IDH3G: variants seen among roughly 807,000 people sequenced by gnomAD.
IDH3G encodes the protein isocitrate dehydrogenase [NAD] subunit gamma, mitochondrial.
A neutral mutation model predicts 26.9 loss-of-function variants in IDH3G; 9 were observed. The ratio of observed to expected loss-of-function variants is 0.34; its 90% confidence interval spans 0.20 to 0.58. The LOEUF is 0.58. Among genes scored for constraint, IDH3G ranks in the 20% least tolerant of loss-of-function variants. IDH3G has a pLI of 0.85. For synonymous variants in IDH3G, 181 were observed against 160.0 expected (o/e 1.13, Z -0.99); for missense variants, 250 against 372.8 (o/e 0.67, Z 2.71).
At chrX:153,789,161 C>T (rs1345824234) in intron 5 of IDH3G, 6 of 341,407 alleles carry the variant, frequency 1.8e-5, no homozygotes, top group African/African-American at 7.9e-5. Flanking sequence ...GGCGTCCACC[C>T]AGTCTCCAAG....
At position 153,790,749 on chromosome X, in the gene IDH3G, C is replaced by T. The variant is rs980890409; in HGVS notation, c.123+61G>A. The T allele has an allele frequency of 5.3e-6, 6 of 1,129,868 alleles. No individual in the cohort carries two copies. In the African/African-American group the frequency reaches 8.9e-5, roughly 17 times the overall value. The allele number at this position is 1,129,868 out of a possible 1,213,427, so 93.1% of individuals were successfully genotyped here. A position where few individuals can be genotyped will look rare whatever the true frequency, so the allele number is the denominator to read the frequency against. On this transcript the variant is annotated intron_variant, in intron 2 of 12. Transcript: ENST00000217901. ...GAGGACAGGACACAGGCCGTGCACA[C>T]ACGCGCACAATTGCGGCCACATGGA...
rs2092092414 is a variant in IDH3G, at chrX:153,787,235, G to A, written c.675-82C>T. Reference sequence around the variant, plus strand: ...GGACGGGGCGTGCAGAGGGCCCCAGGAGGCTGGGGTCTGAATTCTAACCTG... The same window carrying A: ...GGACGGGGCGTGCAGAGGGCCCCAGAAGGCTGGGGTCTGAATTCTAACCTG... On this transcript the variant is annotated intron_variant, in intron 8 of 12. Coordinates refer to ENST00000217901, the MANE Select transcript of IDH3G (RefSeq NM_004135.4). 8.6e-6 allele frequency: 7 copies of A among 818,710 alleles called. No individual in the cohort carries two copies. The East Asian group carries it at 2.3e-4, about 27-fold the overall frequency. 67.5% of individuals were successfully genotyped at this position (818,710 alleles called of 1,213,427 possible).
chrX:153,787,562 G>A lies in IDH3G; in HGVS notation c.576C>T (p.Ile192=). The A allele has an allele frequency of 8.3e-7, 1 of 1,210,904 alleles. No homozygotes were observed. Among genetic ancestry groups the A allele is most frequent in the African/African-American group, 1.7e-5 (1 of 57,986 alleles). The change falls in exon 8 of 13, where the codon ATC becomes ATT. Residue 192 remains isoleucine, a synonymous_variant. Transcript: ENST00000217901. The part of the protein sequence containing the change: ...VAGVVESLKI[I]TKAKSLRIAE... ...CAATGCGCAGGGACTTGGCCTTGGT[G>A]ATGATCTTCAGGCTCTCCACCACTC...
At position 153,786,250 on chromosome X, in the gene IDH3G, T is replaced by C; in HGVS notation, c.1042A>G (p.Ile348Val). 8.3e-7 allele frequency: 1 copy of C among 1,206,816 alleles called. No homozygotes were observed. The highest frequency in any genetic ancestry group is 1.1e-6 in the Non-Finnish European group (1 of 892,270). ...HLKLHSYATSIRKAVLASMDN... is the reference protein window; with the variant it reads ...HLKLHSYATSVRKAVLASMDN... The stretch of plus-strand genomic sequence containing the variant: ...ATGGATGCCAGGACAGCCTTACGGA[T>C]GGAGGTGGCATAGGAGTGCAGCCTA... Residue 348 changes from isoleucine (I) to valine (V), a missense_variant, in exon 12 of 13, where the codon ATC (isoleucine) becomes GTC (valine). Around this residue, in one of 2 missense-constraint regions of IDH3G, gnomAD observed 201 missense variants for 331.3 expected, o/e 0.61. Transcript: ENST00000217901.
At chrX:153,786,175 G>A in intron 12 of IDH3G, 37 bp downstream of exon 12, 3 of 1,207,322 alleles carry the variant, frequency 2.5e-6, no homozygotes, top group South Asian at 3.5e-5. Context: ...GGGGAGACTG[G>A]GCGGGGCAGC....
intron 12 of IDH3G, 63 bp from the exon 13 acceptor site, chrX:153,786,036 C>T (rs200958121): frequency 7.9e-5 from 95 of 1,207,538 alleles, no homozygotes; most frequent in South Asian, 4.4e-4. Context: ...TCTCCTGTGA[C>T]GTGCAGGACT....
chrX:153,790,144 T>C, intron 4 of IDH3G, 51 bp downstream of exon 4: 1 of 1,043,565 alleles, frequency 9.6e-7, no homozygotes, highest in Non-Finnish European at 1.3e-6. Context: ...TGGCACAAAG[T>C]CCTCAGGGCC....
chrX:153,786,822 A>G lies in IDH3G; in HGVS notation c.903T>C (p.His301=), dbSNP rs375839969. 3.6e-5 allele frequency: 44 copies of G among 1,208,502 alleles called. No individual in the cohort carries two copies. The highest frequency in any genetic ancestry group is 4.4e-5 in the Non-Finnish European group (39 of 893,532). The change falls in exon 10 of 13, where the codon CAT becomes CAC. Residue 301 remains histidine, a synonymous_variant. Coordinates refer to ENST00000217901, the MANE Select transcript of IDH3G (RefSeq NM_004135.4). ...PGLVAGANYG[H]VYAVFETATR... ...TCACTGTTTCAAACACCGCGTACAC[A>G]TGGCCATAGTTGGCCCCAGCCACAA... is the stretch of plus-strand genomic sequence containing the variant.
rs1324563467 is a variant in IDH3G at position 153,793,902 on chromosome X, T to A, written c.81+344A>T. Reference sequence around the variant, plus strand: ...AGAAATTTGAGTCCCGGAACCGGATTCCCGAAGCGGTTTGAGAAAGGCGGG... The same window carrying A: ...AGAAATTTGAGTCCCGGAACCGGATACCCGAAGCGGTTTGAGAAAGGCGGG... On this transcript the variant is annotated intron_variant, in intron 1 of 12. Coordinates refer to ENST00000217901, the MANE Select transcript of IDH3G (RefSeq NM_004135.4). 9 of 157,627 alleles carry A rather than the reference T, an allele frequency of 5.7e-5. No individual in the cohort carries two copies. The Admixed American group carries it at 7.3e-4, about 13-fold the overall frequency. The allele number at this position is 157,627 out of a possible 1,213,427, so 13.0% of individuals were successfully genotyped here. A position where few individuals can be genotyped will look rare whatever the true frequency, so the allele number is the denominator to read the frequency against.
At chrX:153,792,645 G>C (rs1176145083) in intron 1 of IDH3G, among the ~76,000 whole-genome samples, 1 of 112,555 alleles carries the variant, frequency 8.9e-6, no homozygotes, top group Non-Finnish European at 1.9e-5. Flanking sequence ...CTCACAGATG[G>C]CAACATCACC....
chrX:153,786,952 G>A lies in IDH3G; in HGVS notation c.778-5C>T, dbSNP rs185021909. ...CTGCTGGGGCCGGGACACCAGCTGC[G>A]GGACAAGGAGGGGGCTGGCTGAGGA... On this transcript the variant is annotated splice_polypyrimidine_tract_variant and splice_region_variant and intron_variant, in intron 9 of 12. Coordinates refer to ENST00000217901, the MANE Select transcript of IDH3G (RefSeq NM_004135.4). 7.3e-4 allele frequency: 877 copies of A among 1,206,374 alleles called. 1 individual carries two copies. Among genetic ancestry groups the A allele is most frequent in the Middle Eastern group, 3.5e-3 (15 of 4,333 alleles).
At chrX:153,794,180 G>C in intron 1 of IDH3G, 66 bp downstream of exon 1, 1 of 1,102,005 alleles carries the variant, frequency 9.1e-7, no homozygotes. Flanking sequence ...AGACTGCTTC[G>C]GGTGCGGCTA....
chrX:153,786,375 G>A lies in IDH3G; in HGVS notation c.999C>T (p.Cys333=), dbSNP rs140397054. ...CTCACTTGAGGTGGTCCAGCATCAT[G>A]CAGCTGGCCAGCAGGGTGGCCGTGG... ...ANPTATLLAS[C]MMLDHLKLHS... The change falls in exon 11 of 13, where the codon TGC becomes TGT. Residue 333 remains cysteine (C), a synonymous_variant. Coordinates refer to ENST00000217901, the MANE Select transcript of IDH3G (RefSeq NM_004135.4). 23 of 1,207,660 alleles carry A rather than the reference G, an allele frequency of 1.9e-5. No individual in the cohort carries two copies. The African/African-American group carries it at 3.8e-4, about 20-fold the overall frequency.
intron 4 of IDH3G, 110 bp downstream of exon 4, chrX:153,790,085 G>A (rs2092103701): frequency 3.2e-6 from 2 of 631,293 alleles, no homozygotes; most frequent in Admixed American, 2.6e-5. Flanking sequence ...GGGCTTACAG[G>A]TCGTCTTGCC....
chrX:153,792,179 CCT>C (rs782473865), intron 1 of IDH3G: 8 of 111,591 alleles, frequency 7.2e-5, no homozygotes, highest in African/African-American at 1.3e-4. Flanking sequence ...CTCCTCAACC[CCT>C]GAGCCCGAGA....
At chrX:153,793,241 C>T (rs1467498939) in intron 1 of IDH3G, among the ~76,000 whole-genome samples, 9 of 111,795 alleles carry the variant, frequency 8.1e-5, no homozygotes, top group Non-Finnish European at 1.7e-4. Context: ...CTGGAGCCAT[C>T]AGAGCCTCTG....
chrX:153,790,693 G>A, intron 2 of IDH3G, 117 bp downstream of exon 2: 1 of 1,063,350 alleles, frequency 9.4e-7, no homozygotes, highest in Non-Finnish European at 1.3e-6. Flanking sequence ...TCCCAGAAGA[G>A]GGGTGGGTAG....
At position 153,785,770 on chromosome X, in the gene IDH3G, G is replaced by T; in HGVS notation, c.*102C>A. ...GTGAGGGAGGCCCACGCCAAGTCTA[G>T]GGAGAAGGTGCTTTATTCTGGGATC... is the stretch of plus-strand genomic sequence containing the variant. On this transcript the variant is annotated 3_prime_UTR_variant, in exon 13 of 13. Transcript: ENST00000217901. 4 of 995,593 alleles carry T rather than the reference G, an allele frequency of 4.0e-6. No homozygotes were observed. In the Admixed American group the frequency reaches 9.3e-5, roughly 23 times the overall value. 82.0% of individuals were successfully genotyped at this position (995,593 alleles called of 1,213,427 possible).
chrX:153,794,364 G>A lies in IDH3G; in HGVS notation c.-38C>T, dbSNP rs2092124549. On this transcript the variant is annotated 5_prime_UTR_variant, in exon 1 of 13. Transcript: ENST00000217901. ...GAGCCTCCGCACGTCCCGACACGCA[G>A]ATACCGCTCTCGCGAGAGTTCGACG... 8.5e-7 allele frequency: 1 copy of A among 1,175,077 alleles called. No homozygotes were observed. The highest frequency in any genetic ancestry group is 1.1e-6 in the Non-Finnish European group (1 of 875,894).
Sources: allele counts gnomAD v4.1 joint callset (sites outside exome capture counted in the v4.1 genomes callset), GRCh38; gene constraint gnomAD v4.1.1; regional missense constraint gnomAD v4.1.1; transcripts MANE v1.5; gene names NCBI Gene and HGNC (gene_info 2026-07-23, HGNC 2026-07-21).